The following RNF103 variants were observed in gnomAD, a reference collection of about 807,000 sequenced individuals.
RNF103 encodes ring finger protein 103.
Under a neutral mutation model 66.2 loss-of-function variants are expected in RNF103, and 23 were observed. The ratio of observed to expected loss-of-function variants is 0.35; its 90% CI spans 0.25 to 0.49. The LOEUF is 0.49. Ranked by LOEUF, RNF103 falls within the 20% of genes least tolerant of loss-of-function variation. The probability of loss-of-function intolerance (pLI) is 0.98; values close to 1 mark genes in which losing one functional copy is unlikely to be tolerated. For synonymous variants in RNF103, 297 were observed against 289.9 expected (o/e 1.02, Z -0.25); for missense variants, 730 against 814.7 (o/e 0.90, Z 1.27).
intron 2 of RNF103, chr2:86,617,951 T>G (rs1210744410): frequency 3.3e-6 from 2 of 613,676 alleles, no homozygotes; most frequent in Non-Finnish European, 5.3e-6. Context: ...TTGACAGATG[T>G]AAGCCACTGG....
Position 86,623,034 on chromosome 2 carries a change from C to G in RNF103, c.-148G>C. 7.5e-7 allele frequency: 1 copy of G among 1,342,002 alleles called. No individual in the cohort carries two copies. The highest frequency in any genetic ancestry group is 9.5e-7 in the Non-Finnish European group (1 of 1,052,948). The allele number at this position is 1,342,002 out of a possible 1,614,324, so 83.1% of individuals were successfully genotyped here. A position where few individuals can be genotyped will look rare whatever the true frequency, so the allele number is the denominator to read the frequency against. The stretch of plus-strand genomic sequence containing the variant: ...GGCGCCGTCACTGGCCGGCCATCCC[C>G]GGCGGGGAAGCAGGTGACGGGATCC... On this transcript the variant is annotated 5_prime_UTR_variant, in exon 1 of 4. Coordinates refer to ENST00000237455, the MANE Select transcript of RNF103 (RefSeq NM_005667.4).
At chr2:86,609,821 G>T (rs550403402) in intron 3 of RNF103, among the ~76,000 whole-genome samples, 81 of 152,298 alleles carry the variant, frequency 5.3e-4, no homozygotes, top group Non-Finnish European at 9.0e-4. Flanking sequence ...TACAGTCAAA[G>T]AATGCAGCAT....
At chr2:86,618,018 A>G in intron 2 of RNF103, 1 of 458,256 alleles carries the variant, frequency 2.2e-6, no homozygotes, top group Non-Finnish European at 4.4e-6. Flanking sequence ...GCATCACTGG[A>G]AAAATTAAGC....
Position 86,623,538 on chromosome 2 carries a change from C to G in RNF103, c.-652G>C. 3.0e-6 allele frequency: 3 copies of G among 984,996 alleles called. No homozygotes were observed. The highest frequency in any genetic ancestry group is 3.6e-6 in the Non-Finnish European group (3 of 829,920). 61.0% of individuals were successfully genotyped at this position (984,996 alleles called of 1,614,324 possible). ...CGCCCAGGCTCCGCGAGAAGAGCGGCGGGCACGGCGGCGGCTCCAGGTTCG... is the reference window on the plus strand; with the variant it reads ...CGCCCAGGCTCCGCGAGAAGAGCGGGGGGCACGGCGGCGGCTCCAGGTTCG... On this transcript the variant is annotated 5_prime_UTR_variant, in exon 1 of 4. Coordinates refer to ENST00000237455, the MANE Select transcript of RNF103 (RefSeq NM_005667.4).
In RNF103 at chr2:86,623,843, C is replaced by G. The variant is rs1042374713; in HGVS notation, c.-957G>C. 30 of 1,287,806 alleles carry G rather than the reference C, an allele frequency of 2.3e-5. No individual in the cohort carries two copies. Among genetic ancestry groups the G allele is most frequent in the African/African-American group, 3.1e-5 (2 of 65,496 alleles). The allele number at this position is 1,287,806 out of a possible 1,614,324, so 79.8% of individuals were successfully genotyped here. A position where few individuals can be genotyped will look rare whatever the true frequency, so the allele number is the denominator to read the frequency against. ...TCCACAACCGTGTATCAGCGGCGGC[C>G]GCGGCCGGAGCCGAGACATAACAAC... On this transcript the variant is annotated 5_prime_UTR_variant, in exon 1 of 4. Coordinates refer to ENST00000237455, the MANE Select transcript of RNF103 (RefSeq NM_005667.4).
In RNF103 at chr2:86,623,660, G is replaced by C; in HGVS notation, c.-774C>G. The C allele has an allele frequency of 3.4e-6, 4 of 1,161,672 alleles. No individual in the cohort carries two copies. Among genetic ancestry groups the C allele is most frequent in the Non-Finnish European group, 4.3e-6 (4 of 928,508 alleles). 72.0% of individuals were successfully genotyped at this position (1,161,672 alleles called of 1,614,324 possible). A position where few individuals can be genotyped will look rare whatever the true frequency, so the allele number is the denominator to read the frequency against. Reference sequence around the variant, plus strand: ...GGTCTCTGCAGATGGAATCGGTCTCGGAGGGAAAAAACCAATAATAGGCCC... The same window carrying C: ...GGTCTCTGCAGATGGAATCGGTCTCCGAGGGAAAAAACCAATAATAGGCCC... On this transcript the variant is annotated 5_prime_UTR_variant, in exon 1 of 4. Coordinates refer to ENST00000237455, the MANE Select transcript of RNF103 (RefSeq NM_005667.4).
intron 3 of RNF103, 76 bp from the exon 4 acceptor site, chr2:86,605,494 G>C (rs990342958): frequency 6.8e-7 from 1 of 1,462,520 alleles, no homozygotes. Flanking sequence ...AATTTCTTTA[G>C]CACCTCACCC....
intron 3 of RNF103, among the ~76,000 whole-genome samples, chr2:86,610,005 A>G (rs959969094): frequency 4.6e-5 from 7 of 152,208 alleles, no homozygotes; most frequent in Non-Finnish European, 8.8e-5. Context: ...TTGTTCTTCT[A>G]TATCTCCATA....
rs1449644462 is a variant in RNF103, at chr2:86,622,752, G to A, written c.135C>T (p.Phe45=). 22 of 1,614,034 alleles carry A rather than the reference G, an allele frequency of 1.4e-5. No homozygotes were observed. The highest frequency in any genetic ancestry group is 1.9e-5 in the Non-Finnish European group (22 of 1,180,032). The change falls in exon 1 of 4, where the codon TTC becomes TTT. Residue 45 remains phenylalanine (F), a synonymous_variant. Transcript: ENST00000237455. ...ACTCCAAAATGGTCTTCAGCTTCTT[G>A]AAGCTCAGCGCCACCGGATCCACCA... ...TQLVDPVALS[F]KKLKTILECR... is the part of the protein sequence containing the mutation.
Position 86,605,175 on chromosome 2 carries a change from G to A in RNF103, c.726C>T (p.Asn242=). ...AGAAGAAAGCTGGGGGCTGGTCAAG[G>A]TTTGCAAATAGGTATATTTTTAACC... The part of the protein sequence containing the change: ...QYWLKIYLFA[N]LDQPPAFFSA... The change falls in exon 4 of 4, where the codon AAC becomes AAT. Residue 242 remains asparagine, a synonymous_variant. Transcript: ENST00000237455. The A allele has an allele frequency of 1.2e-6, 2 of 1,613,692 alleles. No individual in the cohort carries two copies. The highest frequency in any genetic ancestry group is 1.7e-6 in the Non-Finnish European group (2 of 1,180,030).
rs562877996 is a variant in RNF103, at chr2:86,621,301, TA to T, written c.227-833del. ...AGGCCCAAAAGAAGGCAATAATAAA[TA>T]ACAGTCAAAAGAAAAAAAAATGTGT... is the stretch of plus-strand genomic sequence containing the variant. On this transcript the variant is annotated intron_variant, in intron 1 of 3. Transcript: ENST00000237455. Among the ~76,000 whole-genome samples the T allele has an allele frequency of 1.4e-3, 209 of 151,964 alleles. 3 individuals are homozygous for T. The highest frequency in any genetic ancestry group is 6.6e-3 in the East Asian group (34 of 5,176).
chr2:86,615,654 A>G (rs1202333960), intron 2 of RNF103, among the ~76,000 whole-genome samples: 1 of 151,988 alleles, frequency 6.6e-6, no homozygotes. Flanking sequence ...TCTCATTAAA[A>G]GGGGAGACAT....
At chr2:86,618,669 G>A (rs928224426) in intron 2 of RNF103, 1 of 152,208 alleles carries the variant, frequency 6.6e-6, no homozygotes, top group Admixed American at 6.5e-5. Context: ...TTATTTCCAT[G>A]GGATCATTCA....
At position 86,622,711 on chromosome 2, in the gene RNF103, T is replaced by C; in HGVS notation, c.176A>G (p.Tyr59Cys). 6.2e-7 allele frequency: 1 copy of C among 1,614,094 alleles called. No homozygotes were observed. The highest frequency in any genetic ancestry group is 8.5e-7 in the Non-Finnish European group (1 of 1,179,992). Residue 59 changes from tyrosine (Y) to cysteine (C), a missense_variant, in exon 1 of 4, where the codon TAC becomes TGC. Tyr to Cys is a radical substitution (Grantham distance 194). Coordinates refer to ENST00000237455, the MANE Select transcript of RNF103 (RefSeq NM_005667.4). ...KTILECRGLG[Y>C]SGLPEKKDVR... Reference sequence around the variant, plus strand: ...ATCCTTCTTCTCGGGCAACCCTGAGTAGCCCAACCCCCGGCACTCCAAAAT... The same window carrying C: ...ATCCTTCTTCTCGGGCAACCCTGAGCAGCCCAACCCCCGGCACTCCAAAAT...
chr2:86,607,180 A>G (rs989387950), intron 3 of RNF103, among the ~76,000 whole-genome samples: 1 of 152,228 alleles, frequency 6.6e-6, no homozygotes, highest in African/African-American at 2.4e-5. Context: ...ACAGATTTGT[A>G]TATGCATAGT....
chr2:86,617,916 T>C, intron 2 of RNF103: 1 of 953,538 alleles, frequency 1.0e-6, no homozygotes, highest in Non-Finnish European at 1.4e-6. Context: ...TGCCAGAGAT[T>C]GTTCTTTCAG....
chr2:86,605,079 C>T lies in RNF103; in HGVS notation c.822G>A (p.Lys274=), dbSNP rs1558682036. 8 of 1,613,876 alleles carry T rather than the reference C, an allele frequency of 5.0e-6. No individual in the cohort carries two copies. The South Asian group carries it at 7.7e-5, about 16-fold the overall frequency. The change falls in exon 4 of 4, where the codon AAG becomes AAA. Residue 274 remains lysine, a synonymous_variant. Coordinates refer to ENST00000237455, the MANE Select transcript of RNF103 (RefSeq NM_005667.4). ...IFVNVENWDN[K]SYMTDIGIYN... ...ATATGCCAATATCTGTCATATAACTCTTGTTGTCCCAATTTTCTACATTAA... is the reference window on the plus strand; with the variant it reads ...ATATGCCAATATCTGTCATATAACTTTTGTTGTCCCAATTTTCTACATTAA...
At chr2:86,621,852 A>AC (rs1353614173) in intron 1 of RNF103, among the ~76,000 whole-genome samples, 1 of 152,208 alleles carries the variant, frequency 6.6e-6, no homozygotes, top group Non-Finnish European at 1.5e-5. Flanking sequence ...GCAGTGAAAA[A>AC]AATTAACCAT....
rs1420963403 is a variant in RNF103 at position 86,623,489 on chromosome 2, G to GCCCAGGC, written c.-610_-604dup. ...CGGCCGCCGCAACGCCGCGCCCGAAGCCCAGGCCCCAGGCCCCGCCGACCG... is the reference window on the plus strand; with the variant it reads ...CGGCCGCCGCAACGCCGCGCCCGAAGCCCAGGCCCCAGGCCCCAGGCCCCGCCGACCG... On this transcript the variant is annotated 5_prime_UTR_variant, in exon 1 of 4. Coordinates refer to ENST00000237455, the MANE Select transcript of RNF103 (RefSeq NM_005667.4). 30 of 982,944 alleles carry GCCCAGGC rather than the reference G, an allele frequency of 3.1e-5. No individual in the cohort carries two copies. Among genetic ancestry groups the GCCCAGGC allele is most frequent in the Admixed American group, 6.2e-5 (1 of 16,050 alleles). The allele number at this position is 982,944 out of a possible 1,614,324, so 60.9% of individuals were successfully genotyped here. A position where few individuals can be genotyped will look rare whatever the true frequency, so the allele number is the denominator to read the frequency against.
Sources: allele counts gnomAD v4.1 joint callset (sites outside exome capture counted in the v4.1 genomes callset), GRCh38; gene constraint gnomAD v4.1.1; transcripts MANE v1.5; gene names NCBI Gene and HGNC (gene_info 2026-07-23, HGNC 2026-07-21).